ERCC6L: variants seen among roughly 807,000 people sequenced by gnomAD.
The protein encoded by ERCC6L is ERCC excision repair 6 like, spindle assembly checkpoint helicase.
In ERCC6L, 7 loss-of-function variants were observed where a neutral mutation model predicts 20.1. The ratio of observed to expected loss-of-function variants is 0.35; its 90% confidence interval spans 0.20 to 0.65. ERCC6L has a LOEUF of 0.65. ERCC6L is among the 30% of genes least tolerant of loss of function. ERCC6L has a pLI of 0.69. For synonymous variants in ERCC6L, 278 were observed against 331.3 expected (o/e 0.84, Z 1.75); for missense variants, 592 against 892.4 (o/e 0.66, Z 4.29).
chrX:72,228,504 C>T (rs1303306423), intron 1 of ERCC6L, among the ~76,000 whole-genome samples: 2 of 111,804 alleles, frequency 1.8e-5, no homozygotes, highest in Non-Finnish European at 3.8e-5. Flanking sequence ...ACAGGACCCA[C>T]TTCCCTTTGC....
chrX:72,223,281 G>C (rs6625982), intron 1 of ERCC6L, among the ~76,000 whole-genome samples: 1 of 99,982 alleles, frequency 1.0e-5, no homozygotes, highest in Non-Finnish European at 2.0e-5. Context: ...CGGAGGTTGC[G>C]GTGAGCTGAG....
chrX:72,239,007 GCTCA>G lies in ERCC6L; in HGVS notation c.-100_-97del. On this transcript the variant is annotated 5_prime_UTR_variant, in exon 1 of 2. Coordinates refer to ENST00000334463, the MANE Select transcript of ERCC6L (RefSeq NM_017669.4). ...GCTTAGAGTTTGGAGCTTGAATTTC[GCTCA>G]CTCCCGCCCCGCGCATGCTCTGTGC... The G allele has an allele frequency of 2.3e-6, 2 of 854,935 alleles. No individual in the cohort carries two copies. Among genetic ancestry groups the G allele is most frequent in the Non-Finnish European group, 3.3e-6 (2 of 598,345 alleles). 70.5% of individuals were successfully genotyped at this position (854,935 alleles called of 1,213,427 possible).
intron 1 of ERCC6L, among the ~76,000 whole-genome samples, chrX:72,234,262 C>T (rs1010392529): frequency 2.7e-5 from 3 of 112,006 alleles, no homozygotes; most frequent in East Asian, 2.8e-4. Flanking sequence ...GAAGAAAATC[C>T]GGAGAGCAAG....
intron 1 of ERCC6L, among the ~76,000 whole-genome samples, chrX:72,233,629 G>A (rs2042998397): frequency 9.4e-6 from 1 of 106,759 alleles, no homozygotes; most frequent in Admixed American, 1.0e-4. Flanking sequence ...GGCTGAGGCA[G>A]GAGAATCACT....
At chrX:72,209,361 A>G (rs2042839442) in intron 1 of ERCC6L, among the ~76,000 whole-genome samples, 1 of 111,934 alleles carries the variant, frequency 8.9e-6, no homozygotes, top group Non-Finnish European at 1.9e-5. Flanking sequence ...CCTTCTGGAC[A>G]TCTCCACTTG....
Position 72,205,016 on chromosome X carries a change from A to C in ERCC6L, c.3751T>G (p.Ter1251GlyextTer9). 8.5e-7 allele frequency: 1 copy of C among 1,179,017 alleles called. No homozygotes were observed. The highest frequency in any genetic ancestry group is 1.1e-6 in the Non-Finnish European group (1 of 877,279). The change falls in exon 2 of 2, where the codon TGA becomes GGA. Residue 1251 changes from the stop codon to glycine, a stop_lost. Coordinates refer to ENST00000334463, the MANE Select transcript of ERCC6L (RefSeq NM_017669.4). ...LSLYKQLNNN[*>G] Reference sequence around the variant, plus strand: ...AATACAATAAACAGGTTACATTCTCAATTGTTATTAAGTTGCTTATACAAA... The same window carrying C: ...AATACAATAAACAGGTTACATTCTCCATTGTTATTAAGTTGCTTATACAAA...
chrX:72,208,608 A>G lies in ERCC6L; in HGVS notation c.159T>C (p.Asn53=), dbSNP rs368590575. 5.8e-6 allele frequency: 7 copies of G among 1,209,547 alleles called. No individual in the cohort carries two copies. In the Admixed American group the frequency reaches 8.8e-5, roughly 15 times the overall value. Residue 53 remains asparagine (N), a synonymous_variant, in exon 2 of 2, where the codon AAT becomes AAC. Transcript: ENST00000334463. ...TTTGGATTCTGCTCAGCACTTTTTCATTGGGAAAAATGTCCTTTGCCAAAT... is the reference window on the plus strand; with the variant it reads ...TTTGGATTCTGCTCAGCACTTTTTCGTTGGGAAAAATGTCCTTTGCCAAAT... ...LFNLAKDIFP[N]EKVLSRIQKI...
In ERCC6L at chrX:72,206,007, G is replaced by A. The variant is rs1569489703; in HGVS notation, c.2760C>T (p.Asp920=). Residue 920 remains aspartate (D), a synonymous_variant, in exon 2 of 2, where the codon GAC becomes GAT. Transcript: ENST00000334463. ...SNVSIIEIAD[D]LSASHSALQD... The stretch of plus-strand genomic sequence containing the variant: ...GCAGTGCACTATGGGATGCTGAAAG[G>A]TCATCAGCTATTTCAATAATGGATA... The A allele has an allele frequency of 1.7e-6, 2 of 1,211,563 alleles. No homozygotes were observed. The highest frequency in any genetic ancestry group is 3.5e-5 in the South Asian group (2 of 56,999).
chrX:72,237,683 G>T (rs1211419570), intron 1 of ERCC6L: 1 of 110,181 alleles, frequency 9.1e-6, no homozygotes, highest in Non-Finnish European at 1.9e-5. Context: ...GATCGCATGA[G>T]CCCCGGGGGA....
At position 72,208,998 on chromosome X, in the gene ERCC6L, A is replaced by AT. The variant is rs200391380; in HGVS notation, c.69-301dup. 4.0e-4 allele frequency among the ~76,000 whole-genome samples: 45 copies of AT among 111,636 alleles called. No homozygotes were observed. In the East Asian group the frequency reaches 9.9e-3, roughly 24 times the overall value. The stretch of plus-strand genomic sequence containing the variant: ...GCACCCATAAGAAGTATGAAGTGAT[A>AT]TTTTTTGTAAAACAAACCTCTATGT... On this transcript the variant is annotated intron_variant, in intron 1 of 1. Transcript: ENST00000334463.
In ERCC6L at chrX:72,205,172, C is replaced by T. The variant is rs1264861463; in HGVS notation, c.3595G>A (p.Asp1199Asn). 1 of 1,209,938 alleles carries T rather than the reference C, an allele frequency of 8.3e-7. No homozygotes were observed. The highest frequency in any genetic ancestry group is 1.7e-5 in the African/African-American group (1 of 57,206). Reference sequence around the variant, plus strand: ...CCACGCTTTACAAGAGTCTCATAGTCATTTGTAGCCTCTGCCGCCTTATCC... The same window carrying T: ...CCACGCTTTACAAGAGTCTCATAGTTATTTGTAGCCTCTGCCGCCTTATCC... ...PQDKAAEATN[D>N]YETLVKRGKE... The change falls in exon 2 of 2, where the codon GAC becomes AAC. Residue 1199 changes from aspartate (D) to asparagine (N), a missense_variant. Physicochemically the swap from Asp to Asn is conservative, Grantham distance 23 (BLOSUM62 1). Around this residue, in one of 3 missense-constraint regions of ERCC6L, gnomAD observed 352 missense variants for 402.6 expected, o/e 0.87. Coordinates refer to ENST00000334463, the MANE Select transcript of ERCC6L (RefSeq NM_017669.4).
chrX:72,213,413 C>T (rs930395471), intron 1 of ERCC6L, among the ~76,000 whole-genome samples: 9 of 111,613 alleles, frequency 8.1e-5, no homozygotes, highest in Non-Finnish European at 1.1e-4. Context: ...GCATTCGAGC[C>T]GGGAGGGGCA....
rs760306653 is a variant in ERCC6L, at chrX:72,233,537, AT to A, written c.68+5306del. 3.2e-3 allele frequency among the ~76,000 whole-genome samples: 351 copies of A among 109,910 alleles called. 5 individuals are homozygous for A. Among genetic ancestry groups the A allele is most frequent in the Admixed American group, 0.03 (309 of 10,250 alleles). On this transcript the variant is annotated intron_variant, in intron 1 of 1. Transcript: ENST00000334463. ...GGAGTTCAGGACCAGCCTGGCCAAC[AT>A]GGTGAAACCCTGTCTCTACTAAAAA...
At chrX:72,219,867 C>T (rs1471092079) in intron 1 of ERCC6L, among the ~76,000 whole-genome samples, 1 of 105,577 alleles carries the variant, frequency 9.5e-6, no homozygotes, top group African/African-American at 3.5e-5. Context: ...AAAAAAAGAA[C>T]CTCCACTATA....
intron 1 of ERCC6L, among the ~76,000 whole-genome samples, chrX:72,210,516 C>G (rs1021331613): frequency 2.4e-4 from 27 of 111,299 alleles, no homozygotes; most frequent in African/African-American, 8.5e-4. Flanking sequence ...AGATTATTTC[C>G]AAGTTCCTGA....
intron 1 of ERCC6L, among the ~76,000 whole-genome samples, chrX:72,231,591 A>G (rs1419972833): frequency 9.1e-6 from 1 of 109,826 alleles, no homozygotes; most frequent in Non-Finnish European, 1.9e-5. Flanking sequence ...TCCCTCTGTC[A>G]CCCAGCCTGG....
At chrX:72,228,042 C>T (rs1349889086) in intron 1 of ERCC6L, among the ~76,000 whole-genome samples, 5 of 112,245 alleles carry the variant, frequency 4.5e-5, no homozygotes, top group Admixed American at 2.8e-4. Context: ...GTTACTTCCT[C>T]CTTCCTTTGT....
chrX:72,206,296 A>C lies in ERCC6L; in HGVS notation c.2471T>G (p.Leu824Arg). The C allele has an allele frequency of 8.3e-7, 1 of 1,208,842 alleles. No individual in the cohort carries two copies. The highest frequency in any genetic ancestry group is 1.1e-6 in the Non-Finnish European group (1 of 894,301). Residue 824 changes from leucine to arginine, a missense_variant, in exon 2 of 2, where the codon CTT becomes CGT. Coordinates refer to ENST00000334463, the MANE Select transcript of ERCC6L (RefSeq NM_017669.4). Reference protein sequence around the residue: ...LPKGFGSVEELCTNSSLGMEK... With the variant: ...LPKGFGSVEERCTNSSLGMEK... ...CATTCCCAATGAAGAGTTAGTACAAAGTTCTTCTACACTTCCAAACCCCTT... is the reference window on the plus strand; with the variant it reads ...CATTCCCAATGAAGAGTTAGTACAACGTTCTTCTACACTTCCAAACCCCTT...
Position 72,206,432 on chromosome X carries a change from C to A in ERCC6L, c.2335G>T (p.Asp779Tyr). 1 of 1,210,418 alleles carries A rather than the reference C, an allele frequency of 8.3e-7. No homozygotes were observed. The highest frequency in any genetic ancestry group is 1.1e-6 in the Non-Finnish European group (1 of 894,903). The change falls in exon 2 of 2, where the codon GAT (aspartate) becomes TAT (tyrosine). Residue 779 changes from aspartate to tyrosine, a missense_variant. Around this residue, in one of 3 missense-constraint regions of ERCC6L, gnomAD observed 352 missense variants for 402.6 expected, o/e 0.87. Coordinates refer to ENST00000334463, the MANE Select transcript of ERCC6L (RefSeq NM_017669.4). ...TGTTTCTCACCCTCTTTGGGCAGATCATCAATGACTACACTTGCCATTTTG... is the reference window on the plus strand; with the variant it reads ...TGTTTCTCACCCTCTTTGGGCAGATAATCAATGACTACACTTGCCATTTTG... ...SSKMASVVID[D>Y]LPKEGEKQDL... is the part of the protein sequence containing the mutation.
Sources: allele counts gnomAD v4.1 joint callset (sites outside exome capture counted in the v4.1 genomes callset), GRCh38; gene constraint gnomAD v4.1.1; regional missense constraint gnomAD v4.1.1; transcripts MANE v1.5; gene names NCBI Gene and HGNC (gene_info 2026-07-23, HGNC 2026-07-21).